The following CCDC7 variants were observed in gnomAD, a reference collection of about 807,000 sequenced individuals.
CCDC7 encodes the protein coiled-coil domain-containing protein 7.
Under a neutral mutation model 196.9 loss-of-function variants are expected in CCDC7, and 183 were observed. That is an observed-to-expected ratio of 0.93 (90% CI 0.82 to 1.05). The LOEUF is 1.05. Ranked by LOEUF, CCDC7 falls within the 50% of genes least tolerant of loss-of-function variation. The pLI is 0.00. For missense variants in CCDC7, 1,540 were observed against 1,482.2 expected (o/e 1.04, Z -0.64); for synonymous variants, 525 against 484.6 (o/e 1.08, Z -1.10).
chr10:32,536,876 C>T (rs1396588247), intron 11 of CCDC7, among the ~76,000 whole-genome samples: 1 of 152,138 alleles, frequency 6.6e-6, no homozygotes, highest in Non-Finnish European at 1.5e-5. Flanking sequence ...ATACATATCA[C>T]ATTTTCTTTA....
intron 18 of CCDC7, among the ~76,000 whole-genome samples, chr10:32,627,268 A>G (rs532799455): frequency 6.6e-6 from 1 of 151,948 alleles, no homozygotes; most frequent in Non-Finnish European, 1.5e-5. Flanking sequence ...TTTATTCCTA[A>G]TTTATTTTTT....
chr10:32,881,377 A>T (rs2488308), downstream of CCDC7, among the ~76,000 whole-genome samples: 152,035 of 152,308 alleles, frequency 1, 75,882 homozygotes, highest in Middle Eastern at 1. Flanking sequence ...TTATAACTTA[A>T]AGGATATAGG....
intron 28 of CCDC7, among the ~76,000 whole-genome samples, chr10:32,735,228 C>T (rs1048796034): frequency 5.9e-5 from 9 of 152,290 alleles, no homozygotes; most frequent in African/African-American, 1.9e-4. Context: ...CCAAGGAGCA[C>T]GATTGCTGTA....
chr10:32,779,384 G>A (rs750863882), intron 29 of CCDC7, among the ~76,000 whole-genome samples: 4 of 152,158 alleles, frequency 2.6e-5, no homozygotes, highest in South Asian at 2.1e-4. Context: ...TAGATGATAT[G>A]TGAACAGTTC....
At chr10:32,596,711 G>A (rs1042564067) in intron 18 of CCDC7, among the ~76,000 whole-genome samples, 2 of 152,182 alleles carry the variant, frequency 1.3e-5, no homozygotes, top group Non-Finnish European at 2.9e-5. Context: ...GCTCTTGTAA[G>A]GCAGGCGTTG....
chr10:32,469,251 TA>T (rs2037457751), intron 5 of CCDC7, among the ~76,000 whole-genome samples: 1 of 152,166 alleles, frequency 6.6e-6, no homozygotes, highest in Non-Finnish European at 1.5e-5. Flanking sequence ...GAATATCTAC[TA>T]AAGGATATTG....
intron 5 of CCDC7, among the ~76,000 whole-genome samples, chr10:32,466,458 G>GT (rs1449072946): frequency 6.6e-6 from 1 of 151,904 alleles, no homozygotes; most frequent in African/African-American, 2.4e-5. Context: ...AGTGTCTATT[G>GT]TTTCCTTCTT....
chr10:32,860,949 T>C (rs898209559), intron 41 of CCDC7, among the ~76,000 whole-genome samples: 8 of 151,870 alleles, frequency 5.3e-5, no homozygotes, highest in Admixed American at 1.3e-4. Context: ...TGGTCATGGA[T>C]AGGAAGAATC....
chr10:32,679,321 C>T (rs918297210), intron 21 of CCDC7, among the ~76,000 whole-genome samples: 1 of 152,132 alleles, frequency 6.6e-6, no homozygotes, highest in Non-Finnish European at 1.5e-5. Context: ...TCTGCCATAA[C>T]CTCCAATTGG....
intron 20 of CCDC7, among the ~76,000 whole-genome samples, chr10:32,649,295 T>C (rs2068311906): frequency 6.6e-6 from 1 of 152,170 alleles, no homozygotes; most frequent in African/African-American, 2.4e-5. Context: ...ATCCTGCACA[T>C]GTATCCCTGA....
intron 18 of CCDC7, among the ~76,000 whole-genome samples, chr10:32,617,178 C>A (rs986061769): frequency 6.6e-6 from 1 of 151,636 alleles, no homozygotes; most frequent in African/African-American, 2.4e-5. Flanking sequence ...GATCTTGTCT[C>A]TTCTTTTCTT....
chr10:32,681,872 T>C (rs1263383960), intron 21 of CCDC7, among the ~76,000 whole-genome samples: 2 of 151,942 alleles, frequency 1.3e-5, no homozygotes, highest in African/African-American at 4.8e-5. Flanking sequence ...TCATGGCAAA[T>C]CTCTTGGACA....
intron 21 of CCDC7, among the ~76,000 whole-genome samples, chr10:32,665,543 A>C (rs1186183119): frequency 1.3e-5 from 2 of 151,920 alleles, no homozygotes; most frequent in African/African-American, 4.8e-5. Context: ...CTAGTTTTTC[A>C]ACACCATTGT....
intron 13 of CCDC7, among the ~76,000 whole-genome samples, chr10:32,561,392 A>G (rs2055590683): frequency 6.6e-6 from 1 of 152,208 alleles, no homozygotes; most frequent in Non-Finnish European, 1.5e-5. Context: ...TTGACCACAT[A>G]GTTGGAAGTA....
At chr10:32,731,927 C>G (rs2132809314) in intron 28 of CCDC7, among the ~76,000 whole-genome samples, 1 of 152,262 alleles carries the variant, frequency 6.6e-6, no homozygotes. Flanking sequence ...GTGGCACGCG[C>G]CTGTAGTCCC....
rs571762613 is a variant in CCDC7 at position 32,487,014 on chromosome 10, G to A, written c.797-4908G>A. On this transcript the variant is annotated intron_variant, in intron 8 of 41. Transcript: ENST00000639629. ...GGAATGTCTTTGTGGTGTTCTCTGT[G>A]TTTCCTGAATTTGAATGTTGGCCTG... Among the ~76,000 whole-genome samples, 28 of 152,086 alleles carry A rather than the reference G, an allele frequency of 1.8e-4. No homozygotes were observed. The South Asian group carries it at 2.5e-3, about 14-fold the overall frequency.
At chr10:32,683,254 C>T (rs1234996406) in intron 21 of CCDC7, among the ~76,000 whole-genome samples, 1 of 152,178 alleles carries the variant, frequency 6.6e-6, no homozygotes, top group African/African-American at 2.4e-5. Flanking sequence ...ATAGAAAGTC[C>T]TTTCCCTGTT....
chr10:32,637,067 G>C (rs2065792551), intron 20 of CCDC7, among the ~76,000 whole-genome samples: 1 of 152,174 alleles, frequency 6.6e-6, no homozygotes, highest in South Asian at 2.1e-4. Flanking sequence ...CCCACTTTTT[G>C]ATGGGGTTGT....
intron 33 of CCDC7, 55 bp downstream of exon 34, chr10:32,834,953 T>A: frequency 2.9e-6 from 2 of 693,874 alleles, no homozygotes; most frequent in African/African-American, 1.8e-5. Flanking sequence ...GCTCTGAAGT[T>A]AAATATGGAT....
Sources: gnomAD v4.1 joint callset for allele counts (sites outside exome capture counted in the v4.1 genomes callset) on GRCh38, gnomAD v4.1.1 for gene constraint, MANE v1.5 for transcripts, NCBI Gene and HGNC (gene_info 2026-07-23, HGNC 2026-07-21) for gene names.